FBXL7: variants seen among roughly 807,000 people sequenced by gnomAD.
FBXL7 encodes F-box/LRR-repeat protein 7.
A neutral mutation model predicts 38.3 loss-of-function variants in FBXL7; 12 were observed. The ratio of observed to expected loss-of-function variants is 0.31; its 90% CI spans 0.20 to 0.51. The LOEUF is 0.51. FBXL7 is among the 20% of genes least tolerant of loss of function. FBXL7 has a pLI of 0.98. For missense variants in FBXL7, 567 were observed against 676.4 expected (o/e 0.84, Z 1.79); for synonymous variants, 297 against 300.9 (o/e 0.99, Z 0.13).
At chr5:15,891,687 C>G (rs1740909021) in intron 2 of FBXL7, among the ~76,000 whole-genome samples, 1 of 152,272 alleles carries the variant, frequency 6.6e-6, no homozygotes, top group African/African-American at 2.4e-5. Context: ...TGGAAGGCTT[C>G]CCTCTGGAGG....
chr5:15,751,532 TCTCG>T (rs1430765260), intron 2 of FBXL7, among the ~76,000 whole-genome samples: 1 of 152,180 alleles, frequency 6.6e-6, no homozygotes, highest in Non-Finnish European at 1.5e-5. Flanking sequence ...TTTGATATCT[TCTCG>T]CTGAGTTTTG....
chr5:15,742,127 A>T (rs186511565), intron 2 of FBXL7, among the ~76,000 whole-genome samples: 1 of 152,320 alleles, frequency 6.6e-6, no homozygotes, highest in African/African-American at 2.4e-5. Context: ...AAAACTACTT[A>T]ATAAGGGGAG....
chr5:15,658,383 C>G (rs750485895), intron 2 of FBXL7, among the ~76,000 whole-genome samples: 9 of 152,144 alleles, frequency 5.9e-5, no homozygotes, highest in Non-Finnish European at 1.3e-4. Context: ...CCATTATCCC[C>G]ACTTTTCGTG....
intron 2 of FBXL7, among the ~76,000 whole-genome samples, chr5:15,620,289 G>C (rs566564469): frequency 1.2e-4 from 18 of 147,970 alleles, no homozygotes; most frequent in African/African-American, 4.3e-4. Flanking sequence ...CTGGAGTGCA[G>C]TGGCTCAATC....
At chr5:15,738,857 T>C (rs1198328194) in intron 2 of FBXL7, among the ~76,000 whole-genome samples, 2 of 152,158 alleles carry the variant, frequency 1.3e-5, no homozygotes, top group African/African-American at 4.8e-5. Context: ...AGATCTATGA[T>C]TTTCCTTGAG....
At chr5:15,649,401 A>T (rs1281856158) in intron 2 of FBXL7, among the ~76,000 whole-genome samples, 2 of 152,216 alleles carry the variant, frequency 1.3e-5, no homozygotes, top group African/African-American at 4.8e-5. Flanking sequence ...TCAAGTTATT[A>T]ATGTAGACAA....
intron 1 of FBXL7, among the ~76,000 whole-genome samples, chr5:15,577,013 G>A (rs1404510546): frequency 6.6e-6 from 1 of 152,204 alleles, no homozygotes; most frequent in Non-Finnish European, 1.5e-5. Flanking sequence ...AAAGAAAATA[G>A]TATCAATTAT....
At chr5:15,873,574 T>G (rs891385087) in intron 2 of FBXL7, among the ~76,000 whole-genome samples, 3 of 151,928 alleles carry the variant, frequency 2.0e-5, no homozygotes, top group African/African-American at 7.3e-5. Flanking sequence ...AAAAGAATGA[T>G]AAAGGGGAGA....
intron 2 of FBXL7, among the ~76,000 whole-genome samples, chr5:15,801,656 T>TGTGTGTGTGTGTGTGC (rs869247688): frequency 2.0e-5 from 3 of 146,914 alleles, no homozygotes; most frequent in African/African-American, 7.4e-5. Context: ...TGTGTGTGTG[T>TGTGTGTGTGTGTGTGC]GCGCGCGCGC....
intron 2 of FBXL7, among the ~76,000 whole-genome samples, chr5:15,658,314 TTGAC>T (rs1741944878): frequency 6.6e-6 from 1 of 152,206 alleles, no homozygotes; most frequent in African/African-American, 2.4e-5. Context: ...ACTAAGAATT[TTGAC>T]TGAATGATAT....
chr5:15,631,524 C>A (rs187367520), intron 2 of FBXL7, among the ~76,000 whole-genome samples: 1 of 151,528 alleles, frequency 6.6e-6, no homozygotes, highest in Non-Finnish European at 1.5e-5. Context: ...GGTGAAACCC[C>A]GTCCCTACTA....
At chr5:15,724,646 T>C (rs1011400113) in intron 2 of FBXL7, among the ~76,000 whole-genome samples, 8 of 152,348 alleles carry the variant, frequency 5.3e-5, no homozygotes, top group Non-Finnish European at 1.2e-4. Context: ...AATGCTGTTT[T>C]CAACTATCAC....
intron 2 of FBXL7, among the ~76,000 whole-genome samples, chr5:15,627,068 C>A (rs1179571876): frequency 6.6e-6 from 1 of 152,090 alleles, no homozygotes; most frequent in East Asian, 1.9e-4. Context: ...TTCGGTGGAG[C>A]ATGCACCCTG....
intron 2 of FBXL7, among the ~76,000 whole-genome samples, chr5:15,654,508 CAT>C (rs1561071476): frequency 6.6e-6 from 1 of 151,366 alleles, no homozygotes; most frequent in East Asian, 1.9e-4. Flanking sequence ...ATGGCTGATA[CAT>C]ATTCGGAAGC....
intron 2 of FBXL7, among the ~76,000 whole-genome samples, chr5:15,825,191 T>G: frequency 1.3e-5 from 2 of 152,318 alleles, no homozygotes; most frequent in Middle Eastern, 6.8e-3. Flanking sequence ...TCAGTGTTTA[T>G]TTTCTTATGT....
chr5:15,875,336 T>G (rs1018539942), intron 2 of FBXL7, among the ~76,000 whole-genome samples: 2 of 150,480 alleles, frequency 1.3e-5, no homozygotes. Context: ...GCAATACCAT[T>G]GCATGTGCAA....
At chr5:15,600,291 C>G (rs1739752588) in intron 1 of FBXL7, among the ~76,000 whole-genome samples, 1 of 152,190 alleles carries the variant, frequency 6.6e-6, no homozygotes, top group Non-Finnish European at 1.5e-5. Flanking sequence ...GGGGCACCGT[C>G]AGGCAGTTAG....
chr5:15,859,275 A>T (rs1436960170), intron 2 of FBXL7, among the ~76,000 whole-genome samples: 2 of 152,174 alleles, frequency 1.3e-5, no homozygotes, highest in Non-Finnish European at 2.9e-5. Flanking sequence ...ACACAATAAG[A>T]TAAGCATGAT....
At chr5:15,927,614 A>C (rs888082079) in intron 2 of FBXL7, among the ~76,000 whole-genome samples, 1 of 152,074 alleles carries the variant, frequency 6.6e-6, no homozygotes, top group South Asian at 2.1e-4. Flanking sequence ...TCTACTAAAA[A>C]TACAAAAAAA....
Sources: allele counts gnomAD v4.1 joint callset (sites outside exome capture counted in the v4.1 genomes callset), GRCh38; gene constraint gnomAD v4.1.1; transcripts MANE v1.5; gene names NCBI Gene and HGNC (gene_info 2026-07-23, HGNC 2026-07-21).